SLC12A7: variants seen among roughly 807,000 people sequenced by gnomAD.
SLC12A7 encodes the protein solute carrier family 12 member 7, also known as K-Cl cotransporter 4.
A neutral mutation model predicts 120.6 loss-of-function variants in SLC12A7; 100 were observed. That is an observed-to-expected ratio of 0.83 (90% confidence interval 0.71 to 0.98). The LOEUF is 0.98. SLC12A7 is among the 50% of genes least tolerant of loss of function. The pLI, the probability that SLC12A7 is intolerant of heterozygous loss-of-function variation, is 0.00. For missense variants in SLC12A7, 1,373 were observed against 1,548.1 expected (o/e 0.89, Z 1.90); for synonymous variants, 760 against 678.0 (o/e 1.12, Z -1.88).
the SLC12A7 span, among the ~76,000 whole-genome samples, chr5:1,118,982 G>C: frequency 3.3e-5 from 5 of 152,276 alleles, no homozygotes; most frequent in African/African-American, 1.2e-4. Flanking sequence ...CTCCCCAGAG[G>C]AATGTTCTGG....
chr5:1,095,069 GGC>G (rs1740989131), intron 1 of SLC12A7, among the ~76,000 whole-genome samples: 5 of 148,444 alleles, frequency 3.4e-5, no homozygotes, highest in Admixed American at 6.7e-5. Flanking sequence ...TAGGAGGTGG[GGC>G]CCGTAGGAGG....
At chr5:1,093,192 G>A (rs1579410466) in intron 3 of SLC12A7, among the ~76,000 whole-genome samples, 2 of 152,312 alleles carry the variant, frequency 1.3e-5, no homozygotes, top group South Asian at 2.1e-4. Flanking sequence ...AAGGGGCCAC[G>A]TCCCGGCCTC....
chr5:1,062,231 G>A (rs961114489), intron 20 of SLC12A7, among the ~76,000 whole-genome samples: 2 of 152,194 alleles, frequency 1.3e-5, no homozygotes, highest in East Asian at 1.9e-4. Context: ...CCCAGTGGCC[G>A]CCCCACCTGG....
Position 1,073,725 on chromosome 5 carries a change from G to T in SLC12A7, c.2149C>A (p.Gln717Lys), listed in dbSNP as rs548219834. 3.8e-6 allele frequency: 6 copies of T among 1,578,276 alleles called. No individual in the cohort carries two copies. In the African/African-American group the frequency reaches 8.2e-5, roughly 22 times the overall value. ...KHPRLLSFTS[Q>K]LKAGKGLTIV... is the part of the protein sequence containing the mutation. Reference sequence around the variant, plus strand: ...GTCAGGCCCTTGCCGGCCTTCAGCTGCGACGTGAAGGACAGCAGGCGGGGG... The same window carrying T: ...GTCAGGCCCTTGCCGGCCTTCAGCTTCGACGTGAAGGACAGCAGGCGGGGG... Residue 717 changes from glutamine to lysine, a missense_variant, in exon 17 of 24, where the codon CAG (glutamine) becomes AAG (lysine). Physicochemically the swap from Gln to Lys is moderately conservative, Grantham distance 53. Coordinates refer to ENST00000264930, the MANE Select transcript of SLC12A7 (RefSeq NM_006598.3).
In SLC12A7 at chr5:1,090,875, G is replaced by A. The variant is rs548453524; in HGVS notation, c.343-1747C>T. On this transcript the variant is annotated intron_variant, in intron 3 of 23. Transcript: ENST00000264930. ...CCTGACCCAATTTCAGGCGCGGGAG[G>A]CTGGAGATGCCTGGGCCCTTGAAAA... 9.2e-5 allele frequency among the ~76,000 whole-genome samples: 14 copies of A among 152,370 alleles called. No individual in the cohort carries two copies. The East Asian group carries it at 2.7e-3, about 29-fold the overall frequency.
At position 1,078,572 on chromosome 5, in the gene SLC12A7, A is replaced by G. The variant is rs117742321; in HGVS notation, c.1454+129T>C. On this transcript the variant is annotated intron_variant, in intron 11 of 23. Coordinates refer to ENST00000264930, the MANE Select transcript of SLC12A7 (RefSeq NM_006598.3). The stretch of plus-strand genomic sequence containing the variant: ...CAGACCAAGGGATCCCAACCCTGGG[A>G]CCAGGACGCCTTCAGCTCTGCACGC... The G allele has an allele frequency of 1.5e-3, 1,109 of 750,182 alleles. 15 individuals carry two copies. In the East Asian group the frequency reaches 0.027, roughly 18 times the overall value. 46.5% of individuals were successfully genotyped at this position (750,182 alleles called of 1,614,324 possible).
At chr5:1,107,463 G>A (rs1004387604) in intron 1 of SLC12A7, among the ~76,000 whole-genome samples, 3 of 152,298 alleles carry the variant, frequency 2.0e-5, no homozygotes, top group Middle Eastern at 3.4e-3. Flanking sequence ...ACTCACTGCC[G>A]GGCATGAGGG....
intron 4 of SLC12A7, 29 bp from the exon 5 acceptor site, chr5:1,088,389 A>G: frequency 6.4e-7 from 1 of 1,560,882 alleles, no homozygotes; most frequent in Non-Finnish European, 8.7e-7. Context: ...CCATCTGAGG[A>G]GAGTTTTCCA....
chr5:1,067,828 G>A (rs983081696), intron 17 of SLC12A7, among the ~76,000 whole-genome samples: 8 of 145,526 alleles, frequency 5.5e-5, no homozygotes, highest in African/African-American at 1.6e-4. Flanking sequence ...AGTCAGCACC[G>A]TGTCGGGGAC....
chr5:1,068,807 T>C (rs555018674), intron 17 of SLC12A7, among the ~76,000 whole-genome samples: 147 of 152,386 alleles, frequency 9.6e-4, no homozygotes, highest in Non-Finnish European at 1.6e-3. Context: ...CCGTGAAGAC[T>C]GTGGCAGAGC....
the SLC12A7 span, among the ~76,000 whole-genome samples, chr5:1,148,060 C>T: frequency 6.6e-6 from 1 of 152,114 alleles, no homozygotes; most frequent in South Asian, 2.1e-4. Flanking sequence ...ATGTATACAA[C>T]CAAACTGTAA....
intron 22 of SLC12A7, among the ~76,000 whole-genome samples, chr5:1,056,973 G>A (rs1362990434): frequency 6.6e-6 from 1 of 152,234 alleles, no homozygotes; most frequent in Non-Finnish European, 1.5e-5. Context: ...AGCGGCACAA[G>A]CCTCCTCGCC....
chr5:1,085,278 T>C lies in SLC12A7; in HGVS notation c.871A>G (p.Ile291Val), dbSNP rs371016822. Residue 291 changes from isoleucine to valine, a missense_variant, in exon 7 of 24, where the codon ATC becomes GTC. Ile to Val is a conservative substitution (Grantham distance 29). Transcript: ENST00000264930. ...LACVVLSILA[I>V]YAGVIKSAFD... ...GCAGACTTGATGACGCCGGCATAGATGGCCAGGATGGACAGCACGACGCAG... is the reference window on the plus strand; with the variant it reads ...GCAGACTTGATGACGCCGGCATAGACGGCCAGGATGGACAGCACGACGCAG... 8.7e-6 allele frequency: 14 copies of C among 1,612,300 alleles called. No individual in the cohort carries two copies. The African/African-American group carries it at 1.2e-4, about 14-fold the overall frequency.
chr5:1,094,116 C>T (rs185677825), intron 2 of SLC12A7, 38 bp downstream of exon 2: 27,168 of 1,546,452 alleles, frequency 0.018, 317 homozygotes, highest in Non-Finnish European at 0.02. Flanking sequence ...ATCAAAGCAA[C>T]GGCCCTGGCA....
chr5:1,141,716 C>G, the SLC12A7 span, among the ~76,000 whole-genome samples: 1 of 152,224 alleles, frequency 6.6e-6, no homozygotes, highest in Non-Finnish European at 1.5e-5. Context: ...GTGCCGATAG[C>G]CACATGTGGC....
At chr5:1,100,578 G>T (rs1316778495) in intron 1 of SLC12A7, among the ~76,000 whole-genome samples, 2 of 152,258 alleles carry the variant, frequency 1.3e-5, no homozygotes, top group Admixed American at 1.3e-4. Flanking sequence ...GCGCTCGTGG[G>T]TAACAGAGGA....
the SLC12A7 span, among the ~76,000 whole-genome samples, chr5:1,131,067 G>A: frequency 0.02 from 3,085 of 152,250 alleles, 105 homozygotes; most frequent in African/African-American, 0.071. Flanking sequence ...AGCAAGGCCT[G>A]GACTAGGAGA....
chr5:1,079,618 A>C (rs1561067548), intron 9 of SLC12A7, 122 bp from the exon 10 acceptor site: 5 of 777,402 alleles, frequency 6.4e-6, no homozygotes, highest in African/African-American at 1.7e-5. Flanking sequence ...GCTGCAGCCG[A>C]GGCTGCAGTC....
At chr5:1,111,477 GGGGACGCAGGACGCCCC>G (rs2150915095) in intron 1 of SLC12A7, among the ~76,000 whole-genome samples, 2 of 152,236 alleles carry the variant, frequency 1.3e-5, no homozygotes, top group East Asian at 1.9e-4. Flanking sequence ...GGAGAGCGCG[GGGGACGCAGGACGCCCC>G]GGCTCCCGAA....
Sources: gnomAD v4.1 joint callset for allele counts (sites outside exome capture counted in the v4.1 genomes callset) on GRCh38, gnomAD v4.1.1 for gene constraint, MANE v1.5 for transcripts, NCBI Gene and HGNC (gene_info 2026-07-23, HGNC 2026-07-21) for gene names.